Variants in TBC1D4 observed in about 807,000 individuals in gnomAD.
The protein encoded by TBC1D4 is TBC1 domain family member 4, also known as TBC (Tre-2, BUB2, CDC16) domain-containing protein.
In TBC1D4, 121 loss-of-function variants were observed where a neutral mutation model predicts 142.5. The ratio of observed to expected loss-of-function variants is 0.85; its 90% CI spans 0.73 to 0.99. The LOEUF (loss-of-function observed/expected upper bound fraction) is 0.99. Among genes scored for constraint, TBC1D4 ranks in the 50% least tolerant of loss-of-function variants. The pLI, the probability that TBC1D4 is intolerant of heterozygous loss-of-function variation, is 0.00. For synonymous variants in TBC1D4, 630 were observed against 628.2 expected (o/e 1.00, Z -0.04); for missense variants, 1,475 against 1,606.6 (o/e 0.92, Z 1.40).
rs79526608 is a variant in TBC1D4, at chr13:75,394,910, C to T, written c.499-32303G>A. Reference sequence around the variant, plus strand: ...TATTGAGCAACTGCAATGTGCAAAACCTTGCTACAATTTGACAGAGCATAC... The same window carrying T: ...TATTGAGCAACTGCAATGTGCAAAATCTTGCTACAATTTGACAGAGCATAC... On this transcript the variant is annotated intron_variant, in intron 1 of 20. Transcript: ENST00000377636. 4.0e-3 allele frequency among the ~76,000 whole-genome samples: 604 copies of T among 152,242 alleles called. 4 individuals carry two copies. Among genetic ancestry groups the T allele is most frequent in the African/African-American group, 0.014 (569 of 41,544 alleles).
At chr13:75,340,548 C>G (rs1387817501) in intron 7 of TBC1D4, among the ~76,000 whole-genome samples, 1 of 152,142 alleles carries the variant, frequency 6.6e-6, no homozygotes, top group African/African-American at 2.4e-5. Flanking sequence ...CATTCTAAAT[C>G]ACGAACATGT....
rs535692960 is a variant in TBC1D4 at position 75,335,363 on chromosome 13, G to T, written c.1731+1558C>A. 6.5e-4 allele frequency among the ~76,000 whole-genome samples: 99 copies of T among 152,292 alleles called. No homozygotes were observed. In the South Asian group the frequency reaches 0.02, roughly 31 times the overall value. On this transcript the variant is annotated intron_variant, in intron 8 of 20. Coordinates refer to ENST00000377636, the MANE Select transcript of TBC1D4 (RefSeq NM_014832.5). ...GACCTCACCTAATAGCTCTAAGGCA[G>T]AATTGTTCAGGAAGAGGAAAATGAA...
At chr13:75,372,421 C>T (rs1210830038) in intron 1 of TBC1D4, among the ~76,000 whole-genome samples, 1 of 152,134 alleles carries the variant, frequency 6.6e-6, no homozygotes, top group East Asian at 1.9e-4. Context: ...AGGCGCCCAC[C>T]AGGATGCCCG....
At chr13:75,422,959 T>A (rs1210697431) in intron 1 of TBC1D4, among the ~76,000 whole-genome samples, 2 of 152,204 alleles carry the variant, frequency 1.3e-5, no homozygotes, top group African/African-American at 2.4e-5. Context: ...AACTTACAGT[T>A]TTTATTCAAA....
At chr13:75,334,446 A>G (rs913814667) in intron 8 of TBC1D4, among the ~76,000 whole-genome samples, 1 of 134,664 alleles carries the variant, frequency 7.4e-6, no homozygotes, top group Non-Finnish European at 1.7e-5. Context: ...ATTTACATAT[A>G]TATTTCTATA....
intron 1 of TBC1D4, among the ~76,000 whole-genome samples, chr13:75,411,851 A>G (rs1479120048): frequency 6.6e-6 from 1 of 152,104 alleles, no homozygotes; most frequent in Non-Finnish European, 1.5e-5. Flanking sequence ...GGATGTTTAC[A>G]GAGCTTCTGA....
intron 8 of TBC1D4, among the ~76,000 whole-genome samples, chr13:75,329,489 T>G (rs1252265202): frequency 6.6e-6 from 1 of 151,132 alleles, no homozygotes; most frequent in South Asian, 2.1e-4. Context: ...TGGAGACCTC[T>G]GTGTTTCTGC....
At position 75,297,522 on chromosome 13, in the gene TBC1D4, G is replaced by A. The variant is rs142656899; in HGVS notation, c.3156+1808C>T. Among the ~76,000 whole-genome samples the A allele has an allele frequency of 1.6e-3, 238 of 152,238 alleles. 1 individual carries two copies. The highest frequency in any genetic ancestry group is 5.6e-3 in the African/African-American group (232 of 41,546). On this transcript the variant is annotated intron_variant, in intron 17 of 20. Coordinates refer to ENST00000377636, the MANE Select transcript of TBC1D4 (RefSeq NM_014832.5). ...TAATCCCAGCACTTTGGGAGGTCAA[G>A]GCAGGTGGATCACCTGAGGTCCGGA... is the stretch of plus-strand genomic sequence containing the variant.
intron 4 of TBC1D4, among the ~76,000 whole-genome samples, chr13:75,353,286 A>G (rs1881767115): frequency 1.3e-5 from 2 of 152,252 alleles, no homozygotes; most frequent in Admixed American, 1.3e-4. Context: ...TGTAAAAAAG[A>G]TTAGAAGTAA....
intron 1 of TBC1D4, among the ~76,000 whole-genome samples, chr13:75,430,184 T>C (rs1421076486): frequency 6.6e-6 from 1 of 152,204 alleles, no homozygotes; most frequent in Non-Finnish European, 1.5e-5. Flanking sequence ...TCACTGAAGA[T>C]ATACTCTGTA....
At chr13:75,412,109 C>A (rs1885698713) in intron 1 of TBC1D4, among the ~76,000 whole-genome samples, 1 of 152,144 alleles carries the variant, frequency 6.6e-6, no homozygotes, top group East Asian at 1.9e-4. Context: ...AATAAGAGAG[C>A]TTGAAATTTT....
At position 75,286,706 on chromosome 13, in the gene TBC1D4, G is replaced by T; in HGVS notation, c.*86C>A. The T allele has an allele frequency of 1.5e-6, 2 of 1,365,772 alleles. No homozygotes were observed. Among genetic ancestry groups the T allele is most frequent in the African/African-American group, 1.4e-5 (1 of 69,270 alleles). 84.6% of individuals were successfully genotyped at this position (1,365,772 alleles called of 1,614,324 possible). A position where few individuals can be genotyped will look rare whatever the true frequency, so the allele number is the denominator to read the frequency against. ...TATTAGGTGGTTCCATCAGCTTCAG[G>T]GTCCAGCCTTGGGCCAGCGACATGC... On this transcript the variant is annotated 3_prime_UTR_variant, in exon 21 of 21. Transcript: ENST00000377636.
intron 11 of TBC1D4, among the ~76,000 whole-genome samples, chr13:75,321,648 T>A (rs543779815): frequency 6.6e-6 from 1 of 152,224 alleles, no homozygotes; most frequent in Admixed American, 6.5e-5. Flanking sequence ...CTAGTTCAGA[T>A]AAACCTATTA....
intron 1 of TBC1D4, among the ~76,000 whole-genome samples, chr13:75,397,570 G>C (rs1884860192): frequency 6.6e-6 from 1 of 152,204 alleles, no homozygotes; most frequent in Non-Finnish European, 1.5e-5. Flanking sequence ...CTACAAAGCT[G>C]ACAGGTCTTT....
At chr13:75,460,946 A>C (rs758910808) in intron 1 of TBC1D4, among the ~76,000 whole-genome samples, 2 of 152,108 alleles carry the variant, frequency 1.3e-5, no homozygotes, top group Non-Finnish European at 2.9e-5. Flanking sequence ...AAAAGGAGAG[A>C]GATAAGGAAT....
intron 1 of TBC1D4, among the ~76,000 whole-genome samples, chr13:75,458,882 C>T (rs1887849006): frequency 6.6e-6 from 1 of 152,088 alleles, no homozygotes; most frequent in African/African-American, 2.4e-5. Context: ...CTCTGCTTGG[C>T]CTTCCCTTTC....
intron 1 of TBC1D4, among the ~76,000 whole-genome samples, chr13:75,426,579 A>G (rs1415176649): frequency 6.6e-6 from 1 of 152,200 alleles, no homozygotes; most frequent in African/African-American, 2.4e-5. Context: ...CTCAGGAACT[A>G]TTCAGCCACT....
At chr13:75,341,468 T>C (rs370914643) in intron 6 of TBC1D4, 28 bp downstream of exon 6, 6 of 1,599,126 alleles carry the variant, frequency 3.8e-6, no homozygotes, top group Non-Finnish European at 5.1e-6. Context: ...CCTTATGTCT[T>C]ATTTATGAGA....
At chr13:75,476,417 G>A (rs117306787) in intron 1 of TBC1D4, among the ~76,000 whole-genome samples, 2 of 152,250 alleles carry the variant, frequency 1.3e-5, no homozygotes, top group East Asian at 1.9e-4. Flanking sequence ...TGCTCAAAAC[G>A]TTTCTGACGT....
Sources: allele counts gnomAD v4.1 joint callset (sites outside exome capture counted in the v4.1 genomes callset), GRCh38; gene constraint gnomAD v4.1.1; transcripts MANE v1.5; gene names NCBI Gene and HGNC (gene_info 2026-07-23, HGNC 2026-07-21).